The following SLC30A9 variants were observed in gnomAD, a reference collection of about 807,000 sequenced individuals.
The protein encoded by SLC30A9 is proton-coupled zinc antiporter SLC30A9, mitochondrial.
Under a neutral mutation model 87.5 loss-of-function variants are expected in SLC30A9, and 58 were observed. The ratio of observed to expected loss-of-function variants is 0.66; its 90% CI spans 0.54 to 0.82. The LOEUF is 0.82. Ranked by LOEUF, SLC30A9 falls within the 40% of genes least tolerant of loss-of-function variation. The pLI is 0.00. For synonymous variants in SLC30A9, 234 were observed against 233.0 expected (o/e 1.00, Z -0.04); for missense variants, 557 against 679.1 (o/e 0.82, Z 2.00).
chr4:42,036,795 G>A (rs144419944), intron 7 of SLC30A9, among the ~76,000 whole-genome samples: 1 of 152,238 alleles, frequency 6.6e-6, no homozygotes, highest in East Asian at 1.9e-4. Context: ...CTGAAGATGT[G>A]GACTCTCCTC....
chr4:42,039,108 T>C, intron 8 of SLC30A9, 55 bp downstream of exon 8: 4 of 1,222,310 alleles, frequency 3.3e-6, no homozygotes, highest in South Asian at 1.3e-5. Flanking sequence ...TAAATATGTA[T>C]ATCCTTAAAT....
intron 8 of SLC30A9, among the ~76,000 whole-genome samples, chr4:42,041,371 G>A (rs1368250747): frequency 6.6e-6 from 1 of 151,902 alleles, no homozygotes; most frequent in Non-Finnish European, 1.5e-5. Flanking sequence ...TGCAACCTCC[G>A]CCTCCCAGGT....
intron 1 of SLC30A9, among the ~76,000 whole-genome samples, chr4:42,001,386 A>G (rs1159658654): frequency 6.6e-6 from 1 of 152,042 alleles, no homozygotes; most frequent in Non-Finnish European, 1.5e-5. Context: ...TATACCTTTC[A>G]AAATAGCTGA....
intron 17 of SLC30A9, among the ~76,000 whole-genome samples, chr4:42,080,604 C>T (rs942860878): frequency 5.3e-5 from 8 of 152,144 alleles, no homozygotes; most frequent in South Asian, 2.1e-4. Flanking sequence ...TGTCTCTAGC[C>T]CTTCTAGAGG....
chr4:42,055,942 A>G (rs1355338772), intron 9 of SLC30A9, among the ~76,000 whole-genome samples: 1 of 152,182 alleles, frequency 6.6e-6, no homozygotes, highest in Non-Finnish European at 1.5e-5. Context: ...AACTAAACAA[A>G]TGCTCTGTAG....
Position 42,090,032 on chromosome 4 carries a change from G to A in SLC30A9, c.*3906G>A, listed in dbSNP as rs148731823. ...TAAGTTTTAAGTCTCGTAACTTTTT[G>A]AGGAAGAATGCTGGGAACTACAGAA... On this transcript the variant is annotated 3_prime_UTR_variant, in exon 18 of 18. Transcript: ENST00000264451. 1 of 152,310 alleles carries A rather than the reference G, an allele frequency of 6.6e-6. No individual in the cohort carries two copies. The highest frequency in any genetic ancestry group is 1.5e-5 in the Non-Finnish European group (1 of 68,022). 9.4% of individuals were successfully genotyped at this position (152,310 alleles called of 1,614,324 possible).
chr4:42,055,391 A>ATTTAT (rs5857830), intron 9 of SLC30A9, among the ~76,000 whole-genome samples: 1 of 151,854 alleles, frequency 6.6e-6, no homozygotes, highest in Non-Finnish European at 1.5e-5. Flanking sequence ...TTATTTATTT[A>ATTTAT]TTACTTATTT....
chr4:42,046,421 A>G (rs1281202787), intron 8 of SLC30A9, among the ~76,000 whole-genome samples: 1 of 152,230 alleles, frequency 6.6e-6, no homozygotes, highest in African/African-American at 2.4e-5. Flanking sequence ...AAAAATCACA[A>G]GCATTCTTAC....
intron 10 of SLC30A9, among the ~76,000 whole-genome samples, chr4:42,061,829 G>A (rs1717864659): frequency 6.6e-6 from 1 of 152,086 alleles, no homozygotes; most frequent in Non-Finnish European, 1.5e-5. Flanking sequence ...GAACTCAGGA[G>A]GCGGAGGTTG....
Position 41,990,587 on chromosome 4 carries a change from G to T in SLC30A9, c.-65G>T, listed in dbSNP as rs1714379228. 2 of 965,442 alleles carry T rather than the reference G, an allele frequency of 2.1e-6. No homozygotes were observed. Among genetic ancestry groups the T allele is most frequent in the South Asian group, 1.4e-5 (1 of 70,350 alleles). The allele number at this position is 965,442 out of a possible 1,614,324, so 59.8% of individuals were successfully genotyped here. A position where few individuals can be genotyped will look rare whatever the true frequency, so the allele number is the denominator to read the frequency against. On this transcript the variant is annotated 5_prime_UTR_variant, in exon 1 of 18. Coordinates refer to ENST00000264451, the MANE Select transcript of SLC30A9 (RefSeq NM_006345.4). ...CGCTGATGTCCAGTCTATGGAGTCAGTTGGTACCGGTGGCGGCGCGGAGGC... is the reference window on the plus strand; with the variant it reads ...CGCTGATGTCCAGTCTATGGAGTCATTTGGTACCGGTGGCGGCGCGGAGGC...
At chr4:42,071,983 TG>T (rs1718331533) in intron 15 of SLC30A9, among the ~76,000 whole-genome samples, 1 of 36,020 alleles carries the variant, frequency 2.8e-5, no homozygotes, top group Non-Finnish European at 2.3e-4. Flanking sequence ...CTGTTCAGAT[TG>T]TCTGTTTCTT....
chr4:42,001,514 G>A (rs1256121704), intron 1 of SLC30A9, 102 bp from the exon 2 acceptor site: 8 of 546,722 alleles, frequency 1.5e-5, no homozygotes, highest in African/African-American at 9.9e-5. Flanking sequence ...TATTTCATGT[G>A]TACCTAGAAG....
chr4:42,056,989 C>T (rs562334080), intron 9 of SLC30A9, among the ~76,000 whole-genome samples: 3 of 152,314 alleles, frequency 2.0e-5, no homozygotes, highest in South Asian at 2.1e-4. Flanking sequence ...GATCTCCTTT[C>T]GCTCCATGTC....
In SLC30A9 at chr4:41,995,037, C is replaced by T. The variant is rs1468688911; in HGVS notation, c.109+4277C>T. 2.6e-5 allele frequency among the ~76,000 whole-genome samples: 4 copies of T among 151,920 alleles called. No homozygotes were observed. In the East Asian group the frequency reaches 5.8e-4, roughly 22 times the overall value. On this transcript the variant is annotated intron_variant, in intron 1 of 17. Coordinates refer to ENST00000264451, the MANE Select transcript of SLC30A9 (RefSeq NM_006345.4). Reference sequence around the variant, plus strand: ...CTTTGGGAGGCCAAGGTGGGCGGATCACCTGAGGTCAGGAGTTCTAGACCA... The same window carrying T: ...CTTTGGGAGGCCAAGGTGGGCGGATTACCTGAGGTCAGGAGTTCTAGACCA...
rs112651143 is a variant in SLC30A9 at position 42,063,858 on chromosome 4, G to A, written c.1032+737G>A. On this transcript the variant is annotated intron_variant, in intron 11 of 17. Coordinates refer to ENST00000264451, the MANE Select transcript of SLC30A9 (RefSeq NM_006345.4). ...ACCCTCTCAGCTTCTGCATCTCATGGTGTGGTTTCCAGACAGTGCTGAAGT... is the reference window on the plus strand; with the variant it reads ...ACCCTCTCAGCTTCTGCATCTCATGATGTGGTTTCCAGACAGTGCTGAAGT... Among the ~76,000 whole-genome samples the A allele has an allele frequency of 1.1e-3, 171 of 152,252 alleles. 1 individual carries two copies. Among genetic ancestry groups the A allele is most frequent in the African/African-American group, 3.9e-3 (163 of 41,552 alleles).
Position 42,087,234 on chromosome 4 carries a change from A to G in SLC30A9, c.*1108A>G, listed in dbSNP as rs1385059644. The G allele has an allele frequency of 6.6e-6, 1 of 152,218 alleles. No homozygotes were observed. The highest frequency in any genetic ancestry group is 1.9e-4 in the East Asian group (1 of 5,202). The allele number at this position is 152,218 out of a possible 1,614,324, so 9.4% of individuals were successfully genotyped here. On this transcript the variant is annotated 3_prime_UTR_variant, in exon 18 of 18. Transcript: ENST00000264451. The stretch of plus-strand genomic sequence containing the variant: ...AATAGCTTTCTACTGACCCTAAGTT[A>G]TCAAGGTGGAAAAAAAACATGCAAT...
chr4:41,998,163 A>C (rs1376552889), intron 1 of SLC30A9, among the ~76,000 whole-genome samples: 2 of 152,254 alleles, frequency 1.3e-5, no homozygotes, highest in African/African-American at 4.8e-5. Context: ...AGTAGTGATC[A>C]CTGGCAGTGG....
chr4:42,001,568 C>G, intron 1 of SLC30A9, 48 bp from the exon 2 acceptor site: 1 of 1,227,896 alleles, frequency 8.1e-7, no homozygotes, highest in Non-Finnish European at 1.2e-6. Flanking sequence ...ATTAATTATG[C>G]AGCTAGGACT....
intron 6 of SLC30A9, chr4:42,030,182 C>T (rs1716365524): frequency 1.7e-6 from 1 of 600,290 alleles, no homozygotes; most frequent in Non-Finnish European, 2.5e-6. Flanking sequence ...GATACAAAAG[C>T]CTGTTAGTCT....
Sources: gnomAD v4.1 joint callset for allele counts (sites outside exome capture counted in the v4.1 genomes callset) on GRCh38, gnomAD v4.1.1 for gene constraint, MANE v1.5 for transcripts, NCBI Gene and HGNC (gene_info 2026-07-23, HGNC 2026-07-21) for gene names.